XRRA1: variants seen among roughly 807,000 people sequenced by gnomAD.
XRRA1 encodes X-ray radiation resistance-associated protein 1.
A neutral mutation model predicts 80.2 loss-of-function variants in XRRA1; 69 were observed. The observed-to-expected ratio is 0.86, with a 90% CI of 0.71 to 1.05. The LOEUF is 1.05. Among genes scored for constraint, XRRA1 ranks in the 50% least tolerant of loss-of-function variants. The pLI is 0.00. For synonymous variants in XRRA1, 348 were observed against 389.9 expected, an observed-to-expected ratio of 0.89 and a Z score of 1.27; for missense variants, 967 against 976.4, an observed-to-expected ratio of 0.99 and a Z score of 0.13.
chr11:74,947,346 C>T (rs1591705536), intron 1 of XRRA1, among the ~76,000 whole-genome samples: 3 of 151,884 alleles, frequency 2.0e-5, no homozygotes, highest in Admixed American at 1.3e-4. Flanking sequence ...TCCAACACGG[C>T]GAAATCCTGT....
At chr11:74,910,415 C>CA (rs755037073) in intron 8 of XRRA1, among the ~76,000 whole-genome samples, 30 of 151,960 alleles carry the variant, frequency 2.0e-4, no homozygotes, top group Non-Finnish European at 3.7e-4. Context: ...ATGAAAGAGC[C>CA]AAAGTAGCAG....
intron 10 of XRRA1, among the ~76,000 whole-genome samples, chr11:74,868,819 A>T (rs981391122): frequency 6.6e-6 from 1 of 152,206 alleles, no homozygotes; most frequent in African/African-American, 2.4e-5. Flanking sequence ...ATATATATGC[A>T]TCCAACAGAG....
chr11:74,931,532 C>G (rs1305323312), intron 5 of XRRA1, among the ~76,000 whole-genome samples: 8 of 151,986 alleles, frequency 5.3e-5, no homozygotes, highest in African/African-American at 1.9e-4. Context: ...ACCATGTTGT[C>G]CAGGCTAGTC....
At chr11:74,921,369 T>C (rs1250781752) in intron 7 of XRRA1, 22 bp from the exon 8 acceptor site, 2 of 1,613,574 alleles carry the variant, frequency 1.2e-6, no homozygotes, top group South Asian at 1.1e-5. Context: ...AGATGAAAGA[T>C]GGGGAAGGTA....
At chr11:74,847,583 T>C (rs992500767) in intron 15 of XRRA1, among the ~76,000 whole-genome samples, 1 of 152,226 alleles carries the variant, frequency 6.6e-6, no homozygotes, top group Admixed American at 6.5e-5. Flanking sequence ...TCAGCTCAGT[T>C]GAGCCTCTTC....
chr11:74,919,538 C>G lies in XRRA1; in HGVS notation c.656+1676G>C, dbSNP rs1250924544. 1.4e-5 allele frequency: 5 copies of G among 364,882 alleles called. No homozygotes were observed. In the East Asian group the frequency reaches 3.0e-4, roughly 22 times the overall value. 22.6% of individuals were successfully genotyped at this position (364,882 alleles called of 1,614,324 possible). ...TTTTGTATTTCTGTCTACAGCCTGA[C>G]TGGCTCATGGAGAAAGCCTACCTAA... is the stretch of plus-strand genomic sequence containing the variant. On this transcript the variant is annotated intron_variant, in intron 8 of 18. Coordinates refer to ENST00000684022, the MANE Select transcript of XRRA1 (RefSeq NM_001378157.1).
chr11:74,922,676 C>T (rs1016689389), intron 7 of XRRA1, among the ~76,000 whole-genome samples: 2 of 152,170 alleles, frequency 1.3e-5, no homozygotes, highest in Non-Finnish European at 2.9e-5. Flanking sequence ...GACATATACA[C>T]GCTACAGGTT....
chr11:74,905,496 G>A (rs762348011), intron 10 of XRRA1, among the ~76,000 whole-genome samples: 1 of 152,166 alleles, frequency 6.6e-6, no homozygotes, highest in Non-Finnish European at 1.5e-5. Flanking sequence ...GGTGCTAAAG[G>A]GAGACTGCAA....
At chr11:74,916,064 T>A (rs1308655691) in intron 8 of XRRA1, among the ~76,000 whole-genome samples, 1 of 152,208 alleles carries the variant, frequency 6.6e-6, no homozygotes, top group Non-Finnish European at 1.5e-5. Flanking sequence ...ATTCCTTGTA[T>A]GTGATGAGTT....
intron 2 of XRRA1, among the ~76,000 whole-genome samples, chr11:74,941,890 A>C (rs547177456): frequency 6.6e-6 from 1 of 152,276 alleles, no homozygotes; most frequent in East Asian, 1.9e-4. Flanking sequence ...ACCAATTAGA[A>C]GTATGAGCAT....
At chr11:74,851,011 A>T in intron 14 of XRRA1, 77 bp downstream of exon 14, 1 of 1,109,790 alleles carries the variant, frequency 9.0e-7, no homozygotes, top group Non-Finnish European at 1.3e-6. Flanking sequence ...GAGCAGCTCT[A>T]CAGCCAGGTT....
At chr11:74,921,709 T>C (rs1469035735) in intron 7 of XRRA1, among the ~76,000 whole-genome samples, 1 of 152,162 alleles carries the variant, frequency 6.6e-6, no homozygotes, top group Non-Finnish European at 1.5e-5. Flanking sequence ...TGTAAAACCT[T>C]CTCAATTCCC....
At chr11:74,873,145 G>A (rs2045257835) in intron 10 of XRRA1, among the ~76,000 whole-genome samples, 2 of 152,174 alleles carry the variant, frequency 1.3e-5, no homozygotes, top group Non-Finnish European at 2.9e-5. Context: ...TCCATCTTAA[G>A]GATCCCACTG....
chr11:74,844,060 G>A, intron 17 of XRRA1, 101 bp from the exon 18 acceptor site: 3 of 1,457,592 alleles, frequency 2.1e-6, no homozygotes, highest in Non-Finnish European at 2.9e-6. Context: ...GGGCATCTGG[G>A]GGTGCTGGGA....
intron 18 of XRRA1, 143 bp downstream of exon 18, chr11:74,843,708 TCTC>T: frequency 1.2e-6 from 1 of 836,582 alleles, no homozygotes; most frequent in Non-Finnish European, 1.9e-6. Flanking sequence ...TCACGCTGGC[TCTC>T]CTTTTGTCCA....
chr11:74,851,290 T>C (rs571775565), intron 13 of XRRA1, 87 bp from the exon 14 acceptor site: 5 of 946,080 alleles, frequency 5.3e-6, no homozygotes, highest in Middle Eastern at 3.5e-4. Flanking sequence ...CAAATTGCTT[T>C]ACATGTATTA....
rs779269183 is a variant in XRRA1 at position 74,930,320 on chromosome 11, G to A, written c.404C>T (p.Ser135Leu). ...HFHSVIYINA[S>L]ENLLPLEAFH... The stretch of plus-strand genomic sequence containing the variant: ...CTTACCTAGAGGCAGCAGGTTTTCT[G>A]AGGCATTGATATAAATCACAGAATG... Residue 135 changes from serine (S) to leucine (L), a missense_variant, in exon 6 of 19, where the codon TCA becomes TTA. Transcript: ENST00000684022. The A allele has an allele frequency of 8.3e-6, 13 of 1,571,786 alleles. No individual in the cohort carries two copies. In the Admixed American group the frequency reaches 2.4e-4, roughly 29 times the overall value.
At position 74,932,478 on chromosome 11, in the gene XRRA1, A is replaced by G. The variant is rs191796806; in HGVS notation, c.351+1323T>C. Among the ~76,000 whole-genome samples, 150 of 152,316 alleles carry G rather than the reference A, an allele frequency of 9.8e-4. 2 individuals are homozygous for G. Among genetic ancestry groups the G allele is most frequent in the Non-Finnish European group, 4.0e-4 (27 of 68,026 alleles). On this transcript the variant is annotated intron_variant, in intron 5 of 18. Coordinates refer to ENST00000684022, the MANE Select transcript of XRRA1 (RefSeq NM_001378157.1). ...CTCTCTACTGGACTATATGCTCCAG[A>G]GGGCAGGCAGTGTCTGAGCCACCTC...
chr11:74,903,431 C>T (rs567165475), intron 10 of XRRA1, among the ~76,000 whole-genome samples: 66 of 152,260 alleles, frequency 4.3e-4, no homozygotes, highest in Non-Finnish European at 4.4e-4. Context: ...AGGCTGGGCG[C>T]GGTGGCTCAC....
Sources: gnomAD v4.1 joint callset for allele counts (sites outside exome capture counted in the v4.1 genomes callset) on GRCh38, gnomAD v4.1.1 for gene constraint, MANE v1.5 for transcripts, NCBI Gene and HGNC (gene_info 2026-07-23, HGNC 2026-07-21) for gene names.